CACNA1E: variants seen among roughly 807,000 people sequenced by gnomAD.
CACNA1E encodes voltage-dependent R-type calcium channel subunit alpha-1E.
CACNA1E carries 40 observed loss-of-function variants against 259.2 expected under a neutral mutation model. That is an observed-to-expected ratio of 0.15 (90% CI 0.12 to 0.20). The LOEUF is 0.20. CACNA1E is among the 10% of genes least tolerant of loss of function. The pLI is 1.00. For missense variants in CACNA1E, 1,874 were observed against 3,040.1 expected, an observed-to-expected ratio of 0.62 and a Z score of 9.02; for synonymous variants, 1,104 against 1,138.5, an observed-to-expected ratio of 0.97 and a Z score of 0.61.
At chr1:181,714,592 C>G (rs1460200249) in intron 8 of CACNA1E, among the ~76,000 whole-genome samples, 1 of 152,206 alleles carries the variant, frequency 6.6e-6, no homozygotes. Flanking sequence ...GCTGTTTGTT[C>G]TGGCTACAAG....
At position 181,758,695 on chromosome 1, in the gene CACNA1E, C is replaced by G. The variant is rs1658308802; in HGVS notation, c.4495-63C>G. On this transcript the variant is annotated intron_variant, in intron 31 of 47. Transcript: ENST00000367573. The surrounding 1 kb of genome is among the most constrained non-coding windows in gnomAD (Gnocchi z 4.2). ...AATGAGAGATGGCCAACCTCAGTGACATGTATTCCCCCTCTTACCTTAAGG... is the reference window on the plus strand; with the variant it reads ...AATGAGAGATGGCCAACCTCAGTGAGATGTATTCCCCCTCTTACCTTAAGG... The G allele has an allele frequency of 4.3e-6, 4 of 920,882 alleles. No individual in the cohort carries two copies. In the South Asian group the frequency reaches 5.9e-5, roughly 14 times the overall value. 57.0% of individuals were successfully genotyped at this position (920,882 alleles called of 1,614,324 possible).
intron 35 of CACNA1E, among the ~76,000 whole-genome samples, chr1:181,766,946 A>G (rs1378791760): frequency 1.3e-5 from 2 of 152,214 alleles, no homozygotes; most frequent in Non-Finnish European, 2.9e-5. Flanking sequence ...AAGATCCCCC[A>G]GGAGACTAAG....
rs145607008 is a variant in CACNA1E, at chr1:181,626,054, C to T, written c.952-25284C>T. Reference sequence around the variant, plus strand: ...TCAATGGTGCAGTCATAACACACAACATTTATCAATTAAGCATACCAACTT... The same window carrying T: ...TCAATGGTGCAGTCATAACACACAATATTTATCAATTAAGCATACCAACTT... On this transcript the variant is annotated intron_variant, in intron 6 of 47. Coordinates refer to ENST00000367573, the MANE Select transcript of CACNA1E (RefSeq NM_001205293.3). Among the ~76,000 whole-genome samples the T allele has an allele frequency of 3.5e-3, 534 of 152,262 alleles. 3 individuals carry two copies. Among genetic ancestry groups the T allele is most frequent in the Non-Finnish European group, 5.7e-3 (386 of 68,024 alleles).
intron 2 of CACNA1E, among the ~76,000 whole-genome samples, chr1:181,448,414 C>T (rs933606521): frequency 5.9e-5 from 9 of 152,188 alleles, no homozygotes; most frequent in African/African-American, 1.9e-4. Context: ...AGCTAGTAAA[C>T]GTAGGAGTCA....
chr1:181,534,332 G>C (rs1264222561), intron 3 of CACNA1E, among the ~76,000 whole-genome samples: 1 of 152,104 alleles, frequency 6.6e-6, no homozygotes, highest in East Asian at 1.9e-4. Context: ...TGAAAACTGA[G>C]TTAAAAGTTT....
At chr1:181,529,243 G>A (rs1478442145) in intron 3 of CACNA1E, among the ~76,000 whole-genome samples, 1 of 146,860 alleles carries the variant, frequency 6.8e-6, no homozygotes, top group Non-Finnish European at 1.5e-5. Context: ...ACATGGTGTT[G>A]AGTCTGAGGT....
chr1:181,785,875 G>T (rs1039368104), intron 43 of CACNA1E, 56 bp downstream of exon 43: 8 of 1,162,664 alleles, frequency 6.9e-6, no homozygotes, highest in Non-Finnish European at 8.9e-6. Flanking sequence ...CACCCATGCT[G>T]TTGTGCAGAC....
At chr1:181,756,114 G>C (rs1161774261) in intron 29 of CACNA1E, 21 bp downstream of exon 29, 1 of 1,598,516 alleles carries the variant, frequency 6.3e-7, no homozygotes, top group South Asian at 1.1e-5. Context: ...GAGTTGTCAT[G>C]CTTGTCTGTG....
chr1:181,784,892 A>G, intron 41 of CACNA1E, 124 bp downstream of exon 41: 1 of 636,630 alleles, frequency 1.6e-6, no homozygotes, highest in Non-Finnish European at 2.8e-6. Context: ...TAATAAGGAC[A>G]AAAGGGACTT....
chr1:181,664,533 G>T (rs1168244957), intron 7 of CACNA1E, among the ~76,000 whole-genome samples: 1 of 152,166 alleles, frequency 6.6e-6, no homozygotes, highest in African/African-American at 2.4e-5. Flanking sequence ...TATTGATAAC[G>T]CTATGGGCTG....
chr1:181,476,699 A>G (rs1662875176), intron 2 of CACNA1E, among the ~76,000 whole-genome samples: 1 of 152,188 alleles, frequency 6.6e-6, no homozygotes, highest in South Asian at 2.1e-4. Context: ...CCCGGGCTGA[A>G]CGAGCTTTGC....
At position 181,535,107 on chromosome 1, in the gene CACNA1E, A is replaced by G. The variant is rs573316815; in HGVS notation, c.512+23597A>G. Among the ~76,000 whole-genome samples the G allele has an allele frequency of 9.9e-4, 151 of 152,340 alleles. 1 individual carries two copies. The highest frequency in any genetic ancestry group is 1.0e-3 in the Non-Finnish European group (68 of 68,028). On this transcript the variant is annotated intron_variant, in intron 3 of 47. Coordinates refer to ENST00000367573, the MANE Select transcript of CACNA1E (RefSeq NM_001205293.3). ...ATTGAAGGACATTTAAAACTTATGC[A>G]CCGTCAGAATAAATGTCTGTTAAAA...
upstream of CACNA1E, among the ~76,000 whole-genome samples, chr1:181,482,019 G>C (rs1663296684): frequency 6.6e-6 from 1 of 152,168 alleles, no homozygotes. Context: ...CAGCGGAACC[G>C]GGAGGCCGCC....
At chr1:181,567,742 G>T (rs935574084) in intron 3 of CACNA1E, among the ~76,000 whole-genome samples, 1 of 152,192 alleles carries the variant, frequency 6.6e-6, no homozygotes, top group South Asian at 2.1e-4. Context: ...TGCTATTAAA[G>T]CAGCCATTCA....
chr1:181,371,186 T>A (rs1654686575), intron 1 of CACNA1E, among the ~76,000 whole-genome samples: 3 of 152,342 alleles, frequency 2.0e-5, no homozygotes, highest in Admixed American at 1.3e-4. Context: ...GCTGAATGCA[T>A]AGTTCATGAA....
intron 2 of CACNA1E, among the ~76,000 whole-genome samples, chr1:181,464,832 G>C (rs939896872): frequency 3.9e-5 from 6 of 152,046 alleles, no homozygotes; most frequent in African/African-American, 1.2e-4. Flanking sequence ...CGTGTTCCCT[G>C]TGAACACCAC....
chr1:181,715,951 G>A (rs1190242784), intron 9 of CACNA1E, 89 bp from the exon 10 acceptor site: 3 of 792,302 alleles, frequency 3.8e-6, no homozygotes, highest in Non-Finnish European at 4.3e-6. Context: ...CCTCACACAA[G>A]GCATCTTGCC....
Position 181,397,190 on chromosome 1 carries a change from G to A in CACNA1E, c.-14-15943G>A, listed in dbSNP as rs561221821. On this transcript the variant is annotated intron_variant, in intron 1 of 11. Transcript: ENST00000524607. Reference sequence around the variant, plus strand: ...GTCTCTGGGAGGGTCAAGAGCATCAGTCCTCACTGATGCCTCCCATGCTCC... The same window carrying A: ...GTCTCTGGGAGGGTCAAGAGCATCAATCCTCACTGATGCCTCCCATGCTCC... Among the ~76,000 whole-genome samples, 5 of 152,188 alleles carry A rather than the reference G, an allele frequency of 3.3e-5. No homozygotes were observed. The South Asian group carries it at 8.3e-4, about 25-fold the overall frequency.
chr1:181,538,509 C>G (rs1668338883), intron 3 of CACNA1E, among the ~76,000 whole-genome samples: 1 of 152,122 alleles, frequency 6.6e-6, no homozygotes, highest in Non-Finnish European at 1.5e-5. Flanking sequence ...CGTAAATGTG[C>G]ATGTATATGT....
Sources: gnomAD v4.1 joint callset for allele counts (sites outside exome capture counted in the v4.1 genomes callset) on GRCh38, gnomAD v4.1.1 for gene constraint, Gnocchi (gnomAD v3.1) non-coding constraint, MANE v1.5 for transcripts, NCBI Gene and HGNC (gene_info 2026-07-23, HGNC 2026-07-21) for gene names.